ZP4: variants seen among roughly 807,000 people sequenced by gnomAD.
ZP4 encodes zona pellucida glycoprotein 4, also known as zona pellucida sperm-binding protein 4.
In ZP4, 62 loss-of-function variants were observed where a neutral mutation model predicts 62.3. The ratio of observed to expected loss-of-function variants is 0.99; its 90% CI spans 0.81 to 1.23. ZP4 has a LOEUF of 1.23. ZP4 is among the 50% of genes most tolerant of loss of function. The pLI is 0.00. For missense variants in ZP4, 774 were observed against 656.0 expected, an observed-to-expected ratio of 1.18 and a Z score of -1.97; for synonymous variants, 289 against 247.3, an observed-to-expected ratio of 1.17 and a Z score of -1.58.
intron 3 of ZP4, 41 bp downstream of exon 3, chr1:237,889,826 C>A: frequency 6.9e-7 from 1 of 1,459,230 alleles, no homozygotes; most frequent in Non-Finnish European, 9.6e-7. Context: ...ACACCCCACC[C>A]CCACCACCCC....
At chr1:237,886,927 G>A (rs957612312) in intron 5 of ZP4, 59 bp from the exon 6 acceptor site, 2 of 1,464,704 alleles carry the variant, frequency 1.4e-6, no homozygotes, top group African/African-American at 1.4e-5. Flanking sequence ...TGCTTGACTT[G>A]CATCTGGTCT....
intron 10 of ZP4, 102 bp downstream of exon 10, chr1:237,884,667 A>C: frequency 9.3e-7 from 1 of 1,076,874 alleles, no homozygotes. Flanking sequence ...AGCCTTAGTA[A>C]GATGAATCTT....
At chr1:237,885,716 T>G (rs922539141) in intron 7 of ZP4, 40 bp downstream of exon 7, 1 of 1,610,578 alleles carries the variant, frequency 6.2e-7, no homozygotes, top group Non-Finnish European at 8.5e-7. Flanking sequence ...AAGACTGGAT[T>G]TAGACTATAG....
In ZP4 at chr1:237,888,348, A is replaced by G. The variant is rs1413090861; in HGVS notation, c.553+10T>C. ...CTCAGCTGGTTTCAGAGGTGTGCTC[A>G]CTTACTCACCAGTGTTTCCATAGTA... On this transcript the variant is annotated intron_variant, in intron 4 of 11. Transcript: ENST00000366570. The G allele has an allele frequency of 1.3e-6, 2 of 1,565,532 alleles. No homozygotes were observed. Among genetic ancestry groups the G allele is most frequent in the African/African-American group, 1.4e-5 (1 of 74,004 alleles).
rs565240813 is a variant in ZP4, at chr1:237,890,884, T to C, written c.-249A>G. The C allele has an allele frequency of 1.0e-4, 37 of 371,492 alleles. No homozygotes were observed. The South Asian group carries it at 2.7e-3, about 28-fold the overall frequency. The allele number at this position is 371,492 out of a possible 1,614,324, so 23.0% of individuals were successfully genotyped here. A position where few individuals can be genotyped will look rare whatever the true frequency, so the allele number is the denominator to read the frequency against. On this transcript the variant is annotated 5_prime_UTR_variant, in exon 1 of 12. Transcript: ENST00000366570. The stretch of plus-strand genomic sequence containing the variant: ...CAGACTTCAGAGCCCAAGAAAAATG[T>C]AGTAACTTTTAGCTAACAGAAAGGA...
intron 10 of ZP4, among the ~76,000 whole-genome samples, chr1:237,884,012 AC>A (rs1558530994): frequency 0.04 from 3,125 of 78,298 alleles, 84 homozygotes; most frequent in Admixed American, 0.055. Flanking sequence ...ACACACACAC[AC>A]ACAAACACAC....
In ZP4 at chr1:237,885,574, T is replaced by C; in HGVS notation, c.977A>G (p.Asn326Ser). Residue 326 changes from asparagine (N) to serine (S), a missense_variant, in exon 8 of 12, where the codon AAC becomes AGC. Physicochemically the swap from Asn to Ser is conservative, Grantham distance 46 (BLOSUM62 1). Transcript: ENST00000366570. ...TLELQIAKDK[N>S]YGSYYGVGDY... ...ACCAACACCGTAGTAAGAGCCATAGTTTTTATCTGCAAGAGGCAGAAATAA... is the reference window on the plus strand; with the variant it reads ...ACCAACACCGTAGTAAGAGCCATAGCTTTTATCTGCAAGAGGCAGAAATAA... 1.2e-6 allele frequency: 2 copies of C among 1,612,808 alleles called. No individual in the cohort carries two copies. Among genetic ancestry groups the C allele is most frequent in the Non-Finnish European group, 1.7e-6 (2 of 1,179,548 alleles).
rs1338927239 is a variant in ZP4 at position 237,890,772 on chromosome 1, G to C, written c.-137C>G. The C allele has an allele frequency of 5.2e-6, 5 of 957,276 alleles. No homozygotes were observed. The highest frequency in any genetic ancestry group is 7.6e-6 in the Non-Finnish European group (5 of 660,176). The allele number at this position is 957,276 out of a possible 1,614,324, so 59.3% of individuals were successfully genotyped here. ...GCACATCTTTGTGACACTCAGGTGG[G>C]ATGCCTTCAGAAAGGGGAATTCCTC... is the stretch of plus-strand genomic sequence containing the variant. On this transcript the variant is annotated 5_prime_UTR_variant, in exon 1 of 12. In the 5' UTR this introduces an upstream ATG that the reference lacks. Coordinates refer to ENST00000366570, the MANE Select transcript of ZP4 (RefSeq NM_021186.5).
Position 237,882,880 on chromosome 1 carries a change from T to C in ZP4, c.1391-34A>G, listed in dbSNP as rs760278426. 2.5e-6 allele frequency: 4 copies of C among 1,582,332 alleles called. No individual in the cohort carries two copies. The South Asian group carries it at 4.4e-5, about 18-fold the overall frequency. ...GAAATGAGACCTAGTAATTCATTAGTTTTTGCACACATAGGGCAGGGATAG... is the reference window on the plus strand; with the variant it reads ...GAAATGAGACCTAGTAATTCATTAGCTTTTGCACACATAGGGCAGGGATAG... On this transcript the variant is annotated intron_variant, in intron 10 of 11. Coordinates refer to ENST00000366570, the MANE Select transcript of ZP4 (RefSeq NM_021186.5).
At chr1:237,885,022 A>G (rs1385571877) in intron 9 of ZP4, 143 bp downstream of exon 9, 3 of 1,271,776 alleles carry the variant, frequency 2.4e-6, no homozygotes, top group East Asian at 2.4e-5. Flanking sequence ...CACTCATGTA[A>G]TTAGTAACAA....
chr1:237,883,625 A>C (rs12737590), intron 10 of ZP4, among the ~76,000 whole-genome samples: 64 of 37,588 alleles, frequency 1.7e-3, no homozygotes, highest in Non-Finnish European at 2.3e-3. Context: ...GAGGTGGGAG[A>C]GAGGGGGAGG....
At chr1:237,885,067 A>G (rs1437373147) in intron 9 of ZP4, 98 bp downstream of exon 9, 6 of 1,516,634 alleles carry the variant, frequency 4.0e-6, no homozygotes, top group Non-Finnish European at 5.3e-6. Context: ...AGCCAGCATT[A>G]AAGGGCTTCC....
chr1:237,884,228 G>A (rs1665042093), intron 10 of ZP4, among the ~76,000 whole-genome samples: 1 of 152,086 alleles, frequency 6.6e-6, no homozygotes. Context: ...GCATAATAAA[G>A]CACCATTTAG....
At chr1:237,886,117 CAG>C (rs935646838) in intron 6 of ZP4, among the ~76,000 whole-genome samples, 2 of 152,160 alleles carry the variant, frequency 1.3e-5, no homozygotes, top group African/African-American at 4.8e-5. Context: ...TCATGAGAAA[CAG>C]ATGCTTGCCA....
rs772745317 is a variant in ZP4, at chr1:237,885,195, A to G, written c.1281T>C (p.Pro427=). Residue 427 remains proline (P), a synonymous_variant, in exon 9 of 12, where the codon CCT becomes CCC. Transcript: ENST00000366570. The stretch of plus-strand genomic sequence containing the variant: ...CCCTGAGGGCCTGTTTCTCCACTGT[A>G]GGGTTCACAAAGCTGAAGGTGAAGA... ...FSIFTFSFVN[P]TVEKQALRGP... is the part of the protein sequence containing the mutation. 17 of 1,613,956 alleles carry G rather than the reference A, an allele frequency of 1.1e-5. No homozygotes were observed. Among genetic ancestry groups the G allele is most frequent in the South Asian group, 1.1e-5 (1 of 91,088 alleles).
intron 1 of ZP4, 79 bp downstream of exon 1, chr1:237,890,382 C>T (rs1044227069): frequency 2.3e-5 from 35 of 1,529,218 alleles, no homozygotes; most frequent in South Asian, 6.3e-5. Context: ...AGTATCAATA[C>T]GGGAAGATAG....
chr1:237,890,503 G>A lies in ZP4; in HGVS notation c.133C>T (p.Leu45Phe), dbSNP rs748187253. 11 of 1,613,898 alleles carry A rather than the reference G, an allele frequency of 6.8e-6. No individual in the cohort carries two copies. In the African/African-American group the frequency reaches 1.1e-4, roughly 16 times the overall value. The change falls in exon 1 of 12, where the codon CTC becomes TTC. Residue 45 changes from leucine to phenylalanine, a missense_variant. By Grantham distance (22) the Leu-to-Phe change is conservative. Transcript: ENST00000366570. The part of the protein sequence containing the change: ...GPWSFQFAVN[L>F]NQEATSPPVL... Reference sequence around the variant, plus strand: ...GGAGGAGACGTTGCCTCCTGGTTGAGGTTTACAGCAAACTGGAAGCTCCAC... The same window carrying A: ...GGAGGAGACGTTGCCTCCTGGTTGAAGTTTACAGCAAACTGGAAGCTCCAC...
chr1:237,885,034 G>T, intron 9 of ZP4, 131 bp downstream of exon 9: 1 of 1,332,452 alleles, frequency 7.5e-7, no homozygotes. Context: ...TAGTAACAAG[G>T]GTTGCTCTGA....
At chr1:237,884,028 ACACAAACACACACAAACAC>A (rs2103015895) in intron 10 of ZP4, among the ~76,000 whole-genome samples, 2 of 94,378 alleles carry the variant, frequency 2.1e-5, no homozygotes, top group Middle Eastern at 5.4e-3. Flanking sequence ...ACACACACAC[ACACAAACACACACAAACAC>A]ACACAAACAC....
Sources: allele counts gnomAD v4.1 joint callset (sites outside exome capture counted in the v4.1 genomes callset), GRCh38; gene constraint gnomAD v4.1.1; transcripts MANE v1.5; gene names NCBI Gene and HGNC (gene_info 2026-07-23, HGNC 2026-07-21).